The following MAGI3 variants were observed in gnomAD, a reference collection of about 807,000 sequenced individuals.
MAGI3 encodes membrane-associated guanylate kinase, WW and PDZ domain-containing protein 3.
In MAGI3, 43 loss-of-function variants were observed where a neutral mutation model predicts 121.8. The observed-to-expected ratio is 0.35, with a 90% CI of 0.28 to 0.46. The LOEUF is 0.46. Among genes scored for constraint, MAGI3 ranks in the 20% least tolerant of loss-of-function variants. The pLI is 1.00. For missense variants in MAGI3, 1,547 were observed against 1,797.3 expected (o/e 0.86, Z 2.52); for synonymous variants, 553 against 639.3 (o/e 0.86, Z 2.04).
intron 9 of MAGI3, among the ~76,000 whole-genome samples, chr1:113,640,933 CATAT>C (rs55905181): frequency 1.7e-5 from 2 of 115,262 alleles, no homozygotes; most frequent in African/African-American, 3.4e-5. Context: ...TTTTATATAT[CATAT>C]ATATAAATAT....
intron 1 of MAGI3, among the ~76,000 whole-genome samples, chr1:113,522,544 C>T (rs1441639527): frequency 6.6e-6 from 1 of 152,182 alleles, no homozygotes; most frequent in Non-Finnish European, 1.5e-5. Flanking sequence ...CCTCTGGCTA[C>T]TCACCTATAA....
At chr1:113,620,349 A>G (rs371012082) in intron 8 of MAGI3, among the ~76,000 whole-genome samples, 8 of 152,116 alleles carry the variant, frequency 5.3e-5, no homozygotes, top group African/African-American at 1.7e-4. Flanking sequence ...AGAAATTTCG[A>G]TGAGTCTAAT....
At chr1:113,454,902 T>C (rs1346798638) in intron 1 of MAGI3, among the ~76,000 whole-genome samples, 2 of 152,176 alleles carry the variant, frequency 1.3e-5, no homozygotes, top group Non-Finnish European at 2.9e-5. Context: ...GTGATATTAT[T>C]GTTGAAAATA....
At chr1:113,486,602 A>G (rs1656391087) in intron 1 of MAGI3, among the ~76,000 whole-genome samples, 2 of 150,618 alleles carry the variant, frequency 1.3e-5, no homozygotes, top group Non-Finnish European at 3.0e-5. Flanking sequence ...ATGTTTTCTT[A>G]TAGTTTATAT....
At chr1:113,609,146 T>C (rs1168470195) in intron 6 of MAGI3, among the ~76,000 whole-genome samples, 2 of 152,190 alleles carry the variant, frequency 1.3e-5, no homozygotes, top group African/African-American at 2.4e-5. Context: ...CACTTTCCTC[T>C]CTACACTTTG....
intron 1 of MAGI3, among the ~76,000 whole-genome samples, chr1:113,417,991 C>G (rs1652542142): frequency 6.6e-6 from 1 of 152,032 alleles, no homozygotes; most frequent in Non-Finnish European, 1.5e-5. Flanking sequence ...TTTTTTATAT[C>G]CTCATCCATT....
At chr1:113,593,881 T>A (rs1161886745) in intron 5 of MAGI3, among the ~76,000 whole-genome samples, 1 of 152,124 alleles carries the variant, frequency 6.6e-6, no homozygotes, top group East Asian at 1.9e-4. Context: ...AACTTAGTTT[T>A]GTAGAGCAGA....
chr1:113,391,196 G>C lies in MAGI3; in HGVS notation c.163G>C (p.Gly55Arg). Residue 55 changes from glycine to arginine, a missense_variant, in exon 1 of 21, where the codon GGC becomes CGC. By Grantham distance (125) the Gly-to-Arg change is moderately radical. Coordinates refer to ENST00000307546, the MANE Select transcript of MAGI3 (RefSeq NM_001142782.2). The surrounding 1 kb of genome is among the most constrained non-coding windows in gnomAD (Gnocchi z 4.4). The stretch of plus-strand genomic sequence containing the variant: ...GCGGCTCCGCGAGGAGCCCGGCGGG[G>C]GCACCTGCTGCGTCGTCTCGGGCAA... ...LGRLREEPGG[G>R]TCCVVSGKAP... The C allele has an allele frequency of 1.3e-6, 2 of 1,551,966 alleles. No individual in the cohort carries two copies. The highest frequency in any genetic ancestry group is 1.7e-6 in the Non-Finnish European group (2 of 1,148,148).
intron 1 of MAGI3, among the ~76,000 whole-genome samples, chr1:113,517,708 C>T (rs1657997086): frequency 6.6e-6 from 1 of 151,994 alleles, no homozygotes; most frequent in Non-Finnish European, 1.5e-5. Flanking sequence ...AATCTTTAGG[C>T]TGATCTTAGC....
intron 1 of MAGI3, among the ~76,000 whole-genome samples, chr1:113,392,136 G>A (rs375550028): frequency 3.3e-5 from 5 of 152,220 alleles, no homozygotes; most frequent in African/African-American, 4.8e-5. Context: ...TGGCATACTC[G>A]TCAGTTTCAA....
At chr1:113,504,589 A>C (rs1657216433) in intron 1 of MAGI3, among the ~76,000 whole-genome samples, 1 of 152,116 alleles carries the variant, frequency 6.6e-6, no homozygotes, top group African/African-American at 2.4e-5. Flanking sequence ...GTGGGAAGTG[A>C]TTTGAATACA....
chr1:113,612,577 A>C (rs1359253174), intron 6 of MAGI3, among the ~76,000 whole-genome samples: 1 of 150,664 alleles, frequency 6.6e-6, no homozygotes, highest in Admixed American at 6.6e-5. Flanking sequence ...ATGAGCAAAT[A>C]ATAACCACTT....
At chr1:113,410,001 T>C (rs551430406) in intron 1 of MAGI3, among the ~76,000 whole-genome samples, 1 of 152,268 alleles carries the variant, frequency 6.6e-6, no homozygotes, top group East Asian at 1.9e-4. Flanking sequence ...CTGGAAAGTA[T>C]GAGGAAGATG....
chr1:113,598,468 A>G (rs2101747545), intron 6 of MAGI3, among the ~76,000 whole-genome samples: 1 of 152,296 alleles, frequency 6.6e-6, no homozygotes, highest in East Asian at 1.9e-4. Context: ...TATAGACTCA[A>G]CGTAAAAGAG....
intron 1 of MAGI3, among the ~76,000 whole-genome samples, chr1:113,537,011 A>C (rs1224039890): frequency 6.6e-6 from 1 of 152,106 alleles, no homozygotes; most frequent in East Asian, 1.9e-4. Flanking sequence ...ATGCCAGTCT[A>C]ATTTTCTTAC....
At chr1:113,473,777 T>C (rs1342910151) in intron 1 of MAGI3, among the ~76,000 whole-genome samples, 1 of 152,216 alleles carries the variant, frequency 6.6e-6, no homozygotes, top group Admixed American at 6.5e-5. Context: ...TTTGGGTATA[T>C]ACCCAGTAAT....
In MAGI3 at chr1:113,391,005, G is replaced by T. The variant is rs1384727267; in HGVS notation, c.-29G>T. The T allele has an allele frequency of 2.0e-6, 3 of 1,519,330 alleles. No individual in the cohort carries two copies. The highest frequency in any genetic ancestry group is 2.5e-5 in the South Asian group (2 of 80,698). 94.1% of individuals were successfully genotyped at this position (1,519,330 alleles called of 1,614,324 possible). On this transcript the variant is annotated 5_prime_UTR_variant, in exon 1 of 21. Transcript: ENST00000307546. This position sits in a 1 kb window ranked among gnomAD's most constrained non-coding sequence, Gnocchi z 4.4. ...GCGGCGCCCCGGCCGCCCGCGCGGGGTCTCCCCCATGGTGCAGCGGGGTTC... is the reference window on the plus strand; with the variant it reads ...GCGGCGCCCCGGCCGCCCGCGCGGGTTCTCCCCCATGGTGCAGCGGGGTTC...
intron 2 of MAGI3, chr1:113,576,935 T>C (rs1354332148): frequency 1.3e-5 from 2 of 152,192 alleles, no homozygotes. Flanking sequence ...AAAAATCTTA[T>C]AAGCCTCATG....
chr1:113,634,882 A>G (rs1651905635), intron 9 of MAGI3, among the ~76,000 whole-genome samples: 1 of 152,044 alleles, frequency 6.6e-6, no homozygotes, highest in South Asian at 2.1e-4. Context: ...ATGTTCTTCC[A>G]TTTCTTTGTA....
Sources: allele counts gnomAD v4.1 joint callset (sites outside exome capture counted in the v4.1 genomes callset), GRCh38; gene constraint gnomAD v4.1.1; non-coding constraint Gnocchi (gnomAD v3.1); transcripts MANE v1.5; gene names NCBI Gene and HGNC (gene_info 2026-07-23, HGNC 2026-07-21).